The following EPC1 variants were observed in gnomAD, a reference collection of about 807,000 sequenced individuals.
EPC1 encodes the protein enhancer of polycomb homolog 1.
EPC1 carries 12 observed loss-of-function variants against 98.4 expected under a neutral mutation model. The observed-to-expected ratio is 0.12, with a 90% CI of 0.08 to 0.20. The LOEUF (loss-of-function observed/expected upper bound fraction) is 0.20. Ranked by LOEUF, EPC1 falls within the 10% of genes least tolerant of loss-of-function variation. EPC1 has a pLI of 1.00. For synonymous variants in EPC1, 357 were observed against 363.9 expected (o/e 0.98, Z 0.21); for missense variants, 729 against 990.5 (o/e 0.74, Z 3.54).
chr10:32,362,490 C>A (rs1342766152), intron 1 of EPC1, among the ~76,000 whole-genome samples: 1 of 152,134 alleles, frequency 6.6e-6, no homozygotes, highest in Non-Finnish European at 1.5e-5. Flanking sequence ...CCTGCTCTGG[C>A]AATAAGAGTT....
intron 13 of EPC1, 137 bp downstream of exon 13, chr10:32,271,417 G>T: frequency 1.0e-6 from 1 of 990,382 alleles, no homozygotes. Flanking sequence ...ATAAATAAGT[G>T]ATCAATTCTC....
intron 1 of EPC1, among the ~76,000 whole-genome samples, chr10:32,357,535 A>T (rs1311762264): frequency 6.6e-6 from 1 of 152,220 alleles, no homozygotes; most frequent in Non-Finnish European, 1.5e-5. Context: ...ATCACGGCTC[A>T]CTGCAGCCTC....
chr10:32,357,711 C>T (rs1839318127), intron 1 of EPC1, among the ~76,000 whole-genome samples: 2 of 152,186 alleles, frequency 1.3e-5, no homozygotes, highest in Admixed American at 6.6e-5. Context: ...CCTCCTGCCT[C>T]AGCCTTCTAA....
At chr10:32,286,041 A>C (rs1836663385) in intron 9 of EPC1, 1 of 152,232 alleles carries the variant, frequency 6.6e-6, no homozygotes, top group South Asian at 2.1e-4. Context: ...AGTTTATCAT[A>C]AATATACGCT....
intron 10 of EPC1, chr10:32,283,975 T>C (rs1836535703): frequency 6.6e-6 from 1 of 152,196 alleles, no homozygotes; most frequent in South Asian, 2.1e-4. Flanking sequence ...ACAGGGTGAA[T>C]TAGGGGAATG....
chr10:32,347,093 G>C lies in EPC1; in HGVS notation c.-178C>G, dbSNP rs973476169. The C allele has an allele frequency of 1.4e-6, 2 of 1,442,794 alleles. No individual in the cohort carries two copies. Among genetic ancestry groups the C allele is most frequent in the Non-Finnish European group, 1.8e-6 (2 of 1,104,478 alleles). 89.4% of individuals were successfully genotyped at this position (1,442,794 alleles called of 1,614,324 possible). ...GGAGGGTGGGAGGCTGTGCCGCTCC[G>C]CTCCTCTCTCGCTCGCTCTCTTCAA... On this transcript the variant is annotated 5_prime_UTR_variant, in exon 1 of 14. Transcript: ENST00000319778.
At chr10:32,313,218 T>C (rs1490541827) in intron 1 of EPC1, among the ~76,000 whole-genome samples, 1 of 152,132 alleles carries the variant, frequency 6.6e-6, no homozygotes, top group Non-Finnish European at 1.5e-5. Context: ...ACTTTTGAAA[T>C]ACAGTTTGGG....
chr10:32,284,539 A>T, intron 10 of EPC1, 159 bp downstream of exon 10: 1 of 585,730 alleles, frequency 1.7e-6, no homozygotes. Flanking sequence ...TCCTATAGCA[A>T]CAGGATTCAA....
At chr10:32,297,026 A>G (rs947129670) in intron 2 of EPC1, among the ~76,000 whole-genome samples, 2 of 152,130 alleles carry the variant, frequency 1.3e-5, no homozygotes, top group Admixed American at 6.5e-5. Context: ...TTGACCAAAA[A>G]ACCCACACCC....
intron 2 of EPC1, among the ~76,000 whole-genome samples, chr10:32,293,956 A>T (rs1484698018): frequency 1.3e-5 from 2 of 152,218 alleles, no homozygotes; most frequent in Non-Finnish European, 2.9e-5. Flanking sequence ...CATATAAGTA[A>T]TAAAAGACAA....
intron 1 of EPC1, among the ~76,000 whole-genome samples, chr10:32,371,544 A>T (rs1360059953): frequency 6.6e-6 from 1 of 152,228 alleles, no homozygotes; most frequent in Non-Finnish European, 1.5e-5. Context: ...GTAAAAATAC[A>T]CACATTAATG....
chr10:32,298,350 T>C (rs558621919), intron 2 of EPC1, among the ~76,000 whole-genome samples: 87 of 152,052 alleles, frequency 5.7e-4, no homozygotes, highest in African/African-American at 2.0e-3. Context: ...AGGAAACAAA[T>C]AGTGAAAGGA....
chr10:32,296,108 T>C (rs1476660909), intron 2 of EPC1, among the ~76,000 whole-genome samples: 2 of 151,936 alleles, frequency 1.3e-5, no homozygotes, highest in Non-Finnish European at 2.9e-5. Flanking sequence ...AGTTTTTTTT[T>C]TTGTAGTAGA....
In EPC1 at chr10:32,268,857, C is replaced by T; in HGVS notation, c.*206G>A. 2.0e-6 allele frequency: 1 copy of T among 498,444 alleles called. No individual in the cohort carries two copies. The highest frequency in any genetic ancestry group is 2.0e-5 in the African/African-American group (1 of 50,946). 30.9% of individuals were successfully genotyped at this position (498,444 alleles called of 1,614,324 possible). On this transcript the variant is annotated 3_prime_UTR_variant, in exon 14 of 14. Coordinates refer to ENST00000319778, the MANE Select transcript of EPC1 (RefSeq NM_001272004.3). Reference sequence around the variant, plus strand: ...ATATGCAGTACTGTACAGATAATTGCTGTATTCTTAATTTACAGATGTTGA... The same window carrying T: ...ATATGCAGTACTGTACAGATAATTGTTGTATTCTTAATTTACAGATGTTGA...
chr10:32,310,867 C>T (rs761152071), intron 1 of EPC1, among the ~76,000 whole-genome samples: 2 of 151,826 alleles, frequency 1.3e-5, no homozygotes, highest in Non-Finnish European at 2.9e-5. Flanking sequence ...GAGCAAGACT[C>T]TGTCTCAAAA....
chr10:32,314,224 T>A (rs1229033029), intron 1 of EPC1, among the ~76,000 whole-genome samples: 1 of 152,182 alleles, frequency 6.6e-6, no homozygotes, highest in Non-Finnish European at 1.5e-5. Context: ...ATTAAGCAAA[T>A]AGCTTAAAAG....
At chr10:32,330,818 T>G (rs899733042) in intron 1 of EPC1, among the ~76,000 whole-genome samples, 1 of 152,128 alleles carries the variant, frequency 6.6e-6, no homozygotes. Context: ...ACTGAGAAAT[T>G]TTATGGGAAA....
chr10:32,313,747 G>A (rs963444734), intron 1 of EPC1, among the ~76,000 whole-genome samples: 7 of 152,088 alleles, frequency 4.6e-5, no homozygotes, highest in Non-Finnish European at 7.4e-5. Flanking sequence ...TTAGCTGGGC[G>A]TGGTGGCGGG....
intron 6 of EPC1, among the ~76,000 whole-genome samples, chr10:32,288,826 A>G (rs1836839827): frequency 6.6e-6 from 1 of 152,104 alleles, no homozygotes; most frequent in Non-Finnish European, 1.5e-5. Context: ...GGGGTGGCTC[A>G]TGCCTGTAAT....
Sources: gnomAD v4.1 joint callset for allele counts (sites outside exome capture counted in the v4.1 genomes callset) on GRCh38, gnomAD v4.1.1 for gene constraint, MANE v1.5 for transcripts, NCBI Gene and HGNC (gene_info 2026-07-23, HGNC 2026-07-21) for gene names.